STOM: variants seen among roughly 807,000 people sequenced by gnomAD.
The protein encoded by STOM is stomatin.
Under a neutral mutation model 30.6 loss-of-function variants are expected in STOM, and 25 were observed. The ratio of observed to expected loss-of-function variants is 0.82; its 90% confidence interval spans 0.60 to 1.14. STOM has a LOEUF of 1.14. Among genes scored for constraint, STOM ranks in the 50% most tolerant of loss-of-function variants. The probability of loss-of-function intolerance (pLI) is 0.00; values close to 1 mark genes in which losing one functional copy is unlikely to be tolerated. For synonymous variants in STOM, 118 were observed against 130.8 expected, an observed-to-expected ratio of 0.90 and a Z score of 0.67; for missense variants, 292 against 365.2, an observed-to-expected ratio of 0.80 and a Z score of 1.63.
In STOM at chr9:121,339,690, G is replaced by A; in HGVS notation, c.*1512C>T. ...TTCTGGCCAGTAAGCAGAATGCCAG[G>A]TTGCTCAGATTCACAGACATTTGCA... On this transcript the variant is annotated 3_prime_UTR_variant, in exon 7 of 7. Coordinates refer to ENST00000286713, the MANE Select transcript of STOM (RefSeq NM_004099.6). The A allele has an allele frequency of 8.1e-7, 1 of 1,231,542 alleles. No homozygotes were observed. Among genetic ancestry groups the A allele is most frequent in the Non-Finnish European group, 1.0e-6 (1 of 987,864 alleles). 76.3% of individuals were successfully genotyped at this position (1,231,542 alleles called of 1,614,324 possible). A position where few individuals can be genotyped will look rare whatever the true frequency, so the allele number is the denominator to read the frequency against.
intron 3 of STOM, among the ~76,000 whole-genome samples, chr9:121,353,786 C>T (rs1341968394): frequency 6.6e-6 from 1 of 152,178 alleles, no homozygotes; most frequent in Non-Finnish European, 1.5e-5. Context: ...ATACTCTCCT[C>T]TTTGTTGCTT....
chr9:121,370,031 C>A lies in STOM; in HGVS notation c.61+96G>T, dbSNP rs142089777. The A allele has an allele frequency of 1.7e-3, 2,001 of 1,188,620 alleles. 30 individuals carry two copies. The African/African-American group carries it at 0.026, about 16-fold the overall frequency. The allele number at this position is 1,188,620 out of a possible 1,614,324, so 73.6% of individuals were successfully genotyped here. Reference sequence around the variant, plus strand: ...TGAGATCTCGCCCAGCCCGAAGCAGCGGAGACTGGCCAGGAGCCCGGCTGT... The same window carrying A: ...TGAGATCTCGCCCAGCCCGAAGCAGAGGAGACTGGCCAGGAGCCCGGCTGT... On this transcript the variant is annotated intron_variant, in intron 1 of 6. Transcript: ENST00000286713.
Position 121,341,064 on chromosome 9 carries a change from C to T in STOM, c.*138G>A. ...ATTTACAAGCTAACAATTCTTTCAC[C>T]TATTTTTATAACTGCTATACATTCT... On this transcript the variant is annotated 3_prime_UTR_variant, in exon 7 of 7. Coordinates refer to ENST00000286713, the MANE Select transcript of STOM (RefSeq NM_004099.6). 6.8e-7 allele frequency: 1 copy of T among 1,472,088 alleles called. No homozygotes were observed. The highest frequency in any genetic ancestry group is 9.0e-7 in the Non-Finnish European group (1 of 1,114,796). The allele number at this position is 1,472,088 out of a possible 1,614,324, so 91.2% of individuals were successfully genotyped here.
At chr9:121,359,327 G>C (rs1318428267) in intron 1 of STOM, among the ~76,000 whole-genome samples, 2 of 152,166 alleles carry the variant, frequency 1.3e-5, no homozygotes, top group Admixed American at 6.5e-5. Flanking sequence ...AATATAGTGA[G>C]TACTTGGGTT....
At chr9:121,344,977 C>T (rs576183222) in intron 6 of STOM, among the ~76,000 whole-genome samples, 5 of 152,270 alleles carry the variant, frequency 3.3e-5, no homozygotes, top group Non-Finnish European at 5.9e-5. Context: ...CTTCTGTGAC[C>T]GGCTTCTTTC....
intron 2 of STOM, 118 bp downstream of exon 2, chr9:121,355,935 A>T: frequency 1.6e-6 from 1 of 626,610 alleles, no homozygotes; most frequent in East Asian, 3.2e-5. Flanking sequence ...TGAAGAAATA[A>T]GAATTATAAG....
intron 1 of STOM, 42 bp downstream of exon 1, chr9:121,370,085 G>A: frequency 6.6e-7 from 1 of 1,504,596 alleles, no homozygotes; most frequent in Non-Finnish European, 8.9e-7. Context: ...CTGCGGGCGG[G>A]GGCTCGGTCC....
chr9:121,339,502 T>C lies in STOM; in HGVS notation c.*1700A>G, dbSNP rs1018404600. 1.4e-5 allele frequency: 17 copies of C among 1,219,446 alleles called. No individual in the cohort carries two copies. The Middle Eastern group carries it at 9.4e-4, about 67-fold the overall frequency. The allele number at this position is 1,219,446 out of a possible 1,614,324, so 75.5% of individuals were successfully genotyped here. ...AAGGCTTCCTAAAATAAGCTTGAAA[T>C]TGGGGTACAGGGGAAGGGACATCCA... On this transcript the variant is annotated 3_prime_UTR_variant, in exon 7 of 7. Coordinates refer to ENST00000286713, the MANE Select transcript of STOM (RefSeq NM_004099.6).
intron 6 of STOM, among the ~76,000 whole-genome samples, chr9:121,345,381 C>T (rs762896339): frequency 4.6e-5 from 7 of 152,220 alleles, no homozygotes; most frequent in South Asian, 4.1e-4. Flanking sequence ...GTGTGACATC[C>T]GCTTATAATG....
rs1009633171 is a variant in STOM, at chr9:121,340,940, CAA to C, written c.*260_*261del. 7 of 1,274,082 alleles carry C rather than the reference CAA, an allele frequency of 5.5e-6. No homozygotes were observed. In the African/African-American group the frequency reaches 6.1e-5, roughly 11 times the overall value. 78.9% of individuals were successfully genotyped at this position (1,274,082 alleles called of 1,614,324 possible). A position where few individuals can be genotyped will look rare whatever the true frequency, so the allele number is the denominator to read the frequency against. On this transcript the variant is annotated 3_prime_UTR_variant, in exon 7 of 7. Transcript: ENST00000286713. ...CAGAATGAGTCAGTGGAAGTCAAAA[CAA>C]GAGGGATCTAACCTACTACATAATA...
At chr9:121,357,740 A>G (rs2064409119) in intron 1 of STOM, among the ~76,000 whole-genome samples, 1 of 152,056 alleles carries the variant, frequency 6.6e-6, no homozygotes, top group South Asian at 2.1e-4. Flanking sequence ...GCCCGGCCTT[A>G]AATCATATTT....
intron 4 of STOM, among the ~76,000 whole-genome samples, chr9:121,352,865 C>T (rs577477729): frequency 5.3e-5 from 8 of 152,088 alleles, no homozygotes; most frequent in African/African-American, 1.9e-4. Context: ...GAGGCCAGAA[C>T]GGATCACCTG....
At chr9:121,353,908 A>C (rs2064362160) in intron 3 of STOM, among the ~76,000 whole-genome samples, 1 of 152,208 alleles carries the variant, frequency 6.6e-6, no homozygotes, top group African/African-American at 2.4e-5. Flanking sequence ...GCCTACGACT[A>C]GTTCAGATCA....
rs867165810 is a variant in STOM, at chr9:121,370,217, T to C, written c.-30A>G. 7 of 1,537,902 alleles carry C rather than the reference T, an allele frequency of 4.6e-6. No individual in the cohort carries two copies. Among genetic ancestry groups the C allele is most frequent in the Middle Eastern group, 1.7e-4 (1 of 5,770 alleles). ...CCCGAGACGCAGTCGCACTCCCCCG[T>C]CCTCGTTGCCAAACCCGGAGCCGCC... On this transcript the variant is annotated 5_prime_UTR_variant, in exon 1 of 7. Transcript: ENST00000286713.
At chr9:121,343,123 C>A (rs1222009155) in intron 6 of STOM, among the ~76,000 whole-genome samples, 1 of 152,184 alleles carries the variant, frequency 6.6e-6, no homozygotes, top group Non-Finnish European at 1.5e-5. Flanking sequence ...TTGGGTCCAA[C>A]TATGCTTTAA....
intron 6 of STOM, among the ~76,000 whole-genome samples, chr9:121,343,999 G>C (rs188318895): frequency 6.6e-6 from 1 of 152,166 alleles, no homozygotes; most frequent in East Asian, 1.9e-4. Context: ...GAAGGAGGGC[G>C]AATCAGTGGA....
At chr9:121,351,273 G>A (rs753460620) in intron 4 of STOM, among the ~76,000 whole-genome samples, 5 of 152,200 alleles carry the variant, frequency 3.3e-5, no homozygotes, top group African/African-American at 4.8e-5. Context: ...ATCTTCCTTA[G>A]ACGATGGGAA....
intron 1 of STOM, among the ~76,000 whole-genome samples, chr9:121,364,560 C>T (rs565927915): frequency 6.8e-4 from 104 of 152,106 alleles, no homozygotes; most frequent in Non-Finnish European, 1.3e-3. Context: ...CTGTGAAATA[C>T]TAAGGAAAAC....
At chr9:121,355,513 T>A (rs762645805) in intron 2 of STOM, among the ~76,000 whole-genome samples, 3 of 152,186 alleles carry the variant, frequency 2.0e-5, no homozygotes, top group Admixed American at 6.5e-5. Context: ...GCATATTTTA[T>A]CTTCTTAGAA....
Sources: gnomAD v4.1 joint callset for allele counts (sites outside exome capture counted in the v4.1 genomes callset) on GRCh38, gnomAD v4.1.1 for gene constraint, MANE v1.5 for transcripts, NCBI Gene and HGNC (gene_info 2026-07-23, HGNC 2026-07-21) for gene names.